TMEM184B: variants seen among roughly 807,000 people sequenced by gnomAD.
TMEM184B encodes transmembrane protein 184B, also known as putative MAPK-activating protein FM08.
In TMEM184B, 17 loss-of-function variants were observed where a neutral mutation model predicts 41.8. That is an observed-to-expected ratio of 0.41 (90% CI 0.28 to 0.61). TMEM184B has a LOEUF of 0.61. Among genes scored for constraint, TMEM184B ranks in the 20% least tolerant of loss-of-function variants. TMEM184B has a pLI of 0.34. For synonymous variants in TMEM184B, 240 were observed against 229.5 expected (o/e 1.05, Z -0.41); for missense variants, 393 against 557.8 (o/e 0.70, Z 2.98).
chr22:38,264,268 G>T (rs984530246), intron 1 of TMEM184B, among the ~76,000 whole-genome samples: 2 of 152,190 alleles, frequency 1.3e-5, no homozygotes, highest in African/African-American at 4.8e-5. Context: ...AAAAGGCTAG[G>T]CCCACTTGGC....
rs374134613 is a variant in TMEM184B, at chr22:38,224,768, A to G, written c.982+17T>C. 1.4e-5 allele frequency: 22 copies of G among 1,570,838 alleles called. No individual in the cohort carries two copies. Among genetic ancestry groups the G allele is most frequent in the Non-Finnish European group, 1.8e-5 (21 of 1,153,604 alleles). ...CTGCTTCTCCCAGCGGGGGTCGCCT[A>G]GGACCCTGGCTCATACCTTGTGCGT... On this transcript the variant is annotated intron_variant, in intron 8 of 8. Transcript: ENST00000361906.
At chr22:38,242,918 T>A (rs902714386) in intron 3 of TMEM184B, among the ~76,000 whole-genome samples, 7 of 151,518 alleles carry the variant, frequency 4.6e-5, no homozygotes, top group African/African-American at 7.3e-5. Context: ...AAAAATTAGC[T>A]GGGCGTGGTA....
At chr22:38,233,284 C>G (rs2145611658) in intron 3 of TMEM184B, among the ~76,000 whole-genome samples, 1 of 152,368 alleles carries the variant, frequency 6.6e-6, no homozygotes, top group South Asian at 2.1e-4. Context: ...CTTCACCCTT[C>G]ACACACATAC....
In TMEM184B at chr22:38,272,981, G is replaced by A. The variant is rs1337907425; in HGVS notation, c.-156C>T. ...GCGCCGCAGCCCCGGAGTCTCCGCCGCCGCCGGCGCGTCCCGGGCCCAGTG... is the reference window on the plus strand; with the variant it reads ...GCGCCGCAGCCCCGGAGTCTCCGCCACCGCCGGCGCGTCCCGGGCCCAGTG... On this transcript the variant is annotated 5_prime_UTR_variant, in exon 1 of 9. Coordinates refer to ENST00000361906, the MANE Select transcript of TMEM184B (RefSeq NM_012264.5). 4 of 222,278 alleles carry A rather than the reference G, an allele frequency of 1.8e-5. No homozygotes were observed. The highest frequency in any genetic ancestry group is 3.0e-5 in the Non-Finnish European group (4 of 133,186). 13.8% of individuals were successfully genotyped at this position (222,278 alleles called of 1,614,324 possible). A position where few individuals can be genotyped will look rare whatever the true frequency, so the allele number is the denominator to read the frequency against.
chr22:38,222,550 G>C lies in TMEM184B; in HGVS notation c.983-840C>G, dbSNP rs897569403. 8.2e-6 allele frequency: 8 copies of C among 978,648 alleles called. No individual in the cohort carries two copies. In the African/African-American group the frequency reaches 1.4e-4, roughly 17 times the overall value. 60.6% of individuals were successfully genotyped at this position (978,648 alleles called of 1,614,324 possible). On this transcript the variant is annotated intron_variant, in intron 8 of 8. Coordinates refer to ENST00000361906, the MANE Select transcript of TMEM184B (RefSeq NM_012264.5). ...GGGGTGCCGGTGGGGAGGAGATGAG[G>C]ACACGGAGAAGAGCTACAGAGAGAC...
intron 1 of TMEM184B, among the ~76,000 whole-genome samples, chr22:38,251,754 A>G (rs1462491481): frequency 2.0e-5 from 3 of 152,190 alleles, no homozygotes; most frequent in African/African-American, 7.2e-5. Context: ...GGGCAATGCC[A>G]TCTGGTGCAG....
intron 1 of TMEM184B, among the ~76,000 whole-genome samples, chr22:38,258,927 C>T (rs1040203339): frequency 6.6e-5 from 10 of 152,238 alleles, no homozygotes; most frequent in Admixed American, 2.6e-4. Flanking sequence ...CATCCAGTGT[C>T]GTTTATTTCT....
In TMEM184B at chr22:38,247,869, G is replaced by A. The variant is rs2092071741; in HGVS notation, c.93C>T (p.Ser31=). ...ACACAGGCTGCTCCATGGCAGTGGG[G>A]CTGCCCTCGGGGATCACGGAGACGC... ...SPSVSVIPEG[S]PTAMEQPVFL... is the part of the protein sequence containing the mutation. Residue 31 remains serine (S), a synonymous_variant, in exon 2 of 9, where the codon AGC becomes AGT. Transcript: ENST00000361906. 1 of 1,612,908 alleles carries A rather than the reference G, an allele frequency of 6.2e-7. No homozygotes were observed. Among genetic ancestry groups the A allele is most frequent in the Non-Finnish European group, 8.5e-7 (1 of 1,179,758 alleles).
intron 1 of TMEM184B, among the ~76,000 whole-genome samples, chr22:38,267,858 C>T (rs751448581): frequency 3.3e-5 from 5 of 152,196 alleles, no homozygotes; most frequent in Non-Finnish European, 5.9e-5. Flanking sequence ...TCGCCAGACA[C>T]TGAGCCATGA....
chr22:38,267,368 T>A (rs2092458211), intron 1 of TMEM184B, among the ~76,000 whole-genome samples: 1 of 151,402 alleles, frequency 6.6e-6, no homozygotes, highest in African/African-American at 2.4e-5. Context: ...CCAGCCAGAC[T>A]CAAGGCTGTT....
chr22:38,245,886 CAGCCCCCCAG>C, intron 3 of TMEM184B, 39 bp downstream of exon 3: 39 of 1,146,348 alleles, frequency 3.4e-5, no homozygotes, highest in Non-Finnish European at 4.3e-5. Context: ...CAGGGGCTCC[CAGCCCCCCAG>C]CCCCCCGCCA....
intron 3 of TMEM184B, among the ~76,000 whole-genome samples, chr22:38,244,446 A>G (rs1056145244): frequency 1.3e-5 from 2 of 151,806 alleles, no homozygotes; most frequent in African/African-American, 4.8e-5. Flanking sequence ...TAGCATGGGT[A>G]TCAATGTAGG....
At chr22:38,251,578 C>T (rs1037528580) in intron 1 of TMEM184B, among the ~76,000 whole-genome samples, 1 of 152,200 alleles carries the variant, frequency 6.6e-6, no homozygotes, top group Non-Finnish European at 1.5e-5. Context: ...GACCACAAGG[C>T]CAGACTCTGC....
intron 1 of TMEM184B, among the ~76,000 whole-genome samples, chr22:38,255,805 A>C (rs1466221148): frequency 6.6e-6 from 1 of 152,240 alleles, no homozygotes; most frequent in East Asian, 1.9e-4. Flanking sequence ...TGATCCATTT[A>C]TGTAACATGC....
intron 1 of TMEM184B, among the ~76,000 whole-genome samples, chr22:38,252,955 ACATGGTGAAACCC>A (rs146474426): frequency 0.017 from 2,588 of 151,966 alleles, 70 homozygotes; most frequent in African/African-American, 0.06. Context: ...AACCTGGCTA[ACATGGTGAAACCC>A]CATCTCTACT....
In TMEM184B at chr22:38,219,876, C is replaced by A; in HGVS notation, c.*1593G>T. 1 of 985,048 alleles carries A rather than the reference C, an allele frequency of 1.0e-6. No homozygotes were observed. Among genetic ancestry groups the A allele is most frequent in the Non-Finnish European group, 1.2e-6 (1 of 829,818 alleles). 61.0% of individuals were successfully genotyped at this position (985,048 alleles called of 1,614,324 possible). ...CCCCAAGATGGAGGGGGAGAGCTGG[C>A]CTCTGGCACCCACATGCAGGCCTCT... is the stretch of plus-strand genomic sequence containing the variant. On this transcript the variant is annotated 3_prime_UTR_variant, in exon 9 of 9. Coordinates refer to ENST00000361906, the MANE Select transcript of TMEM184B (RefSeq NM_012264.5).
chr22:38,259,750 T>C (rs982027842), intron 1 of TMEM184B, among the ~76,000 whole-genome samples: 1 of 152,226 alleles, frequency 6.6e-6, no homozygotes, highest in African/African-American at 2.4e-5. Context: ...TTTATTGGTT[T>C]TTCTTATTGT....
chr22:38,230,840 C>A (rs758644434), intron 4 of TMEM184B, 96 bp from the exon 5 acceptor site: 2 of 1,169,032 alleles, frequency 1.7e-6, no homozygotes, highest in East Asian at 2.5e-5. Flanking sequence ...CCCATCCAGA[C>A]GAGCTGGGGC....
rs1385168019 is a variant in TMEM184B at position 38,225,231 on chromosome 22, C to A, written c.787+193G>T. ...CTGGGCCCTCTCATCCATGTAGCGG[C>A]CCCACCAAAGCTCTCCCTAGCCCCT... On this transcript the variant is annotated intron_variant, in intron 7 of 8. Transcript: ENST00000361906. The surrounding 1 kb of genome is among the most constrained non-coding windows in gnomAD (Gnocchi z 4.4). Among the ~76,000 whole-genome samples, 1 of 152,164 alleles carries A rather than the reference C, an allele frequency of 6.6e-6. No individual in the cohort carries two copies. The highest frequency in any genetic ancestry group is 1.9e-4 in the East Asian group (1 of 5,184).
Sources: allele counts gnomAD v4.1 joint callset (sites outside exome capture counted in the v4.1 genomes callset), GRCh38; gene constraint gnomAD v4.1.1; non-coding constraint Gnocchi (gnomAD v3.1); transcripts MANE v1.5; gene names NCBI Gene and HGNC (gene_info 2026-07-23, HGNC 2026-07-21).